RAI14: variants seen among roughly 807,000 people sequenced by gnomAD.
The protein encoded by RAI14 is ankycorbin.
A neutral mutation model predicts 115.4 loss-of-function variants in RAI14; 45 were observed. The ratio of observed to expected loss-of-function variants is 0.39; its 90% CI spans 0.31 to 0.50. The LOEUF (loss-of-function observed/expected upper bound fraction) is 0.50, where lower values mean the gene tolerates loss of function less well. Ranked by LOEUF, RAI14 falls within the 20% of genes least tolerant of loss-of-function variation. RAI14 has a pLI of 0.85. For synonymous variants in RAI14, 371 were observed against 415.4 expected (o/e 0.89, Z 1.30); for missense variants, 939 against 1,131.2 (o/e 0.83, Z 2.44).
intron 3 of RAI14, among the ~76,000 whole-genome samples, chr5:34,773,118 T>G (rs1002194951): frequency 2.6e-5 from 4 of 152,164 alleles, no homozygotes; most frequent in Non-Finnish European, 2.9e-5. Flanking sequence ...AAGTTTGTTT[T>G]CAAACAAACT....
rs1359259269 is a variant in RAI14, at chr5:34,827,692, T to C, written c.2799+1213T>C. On this transcript the variant is annotated intron_variant, in intron 16 of 17. Coordinates refer to ENST00000265109, the MANE Select transcript of RAI14 (RefSeq NM_015577.3). The surrounding 1 kb of genome is among the most constrained non-coding windows in gnomAD (Gnocchi z 4.2). ...TGTGTTCTGCAGGTCATTCTTCTCC[T>C]GATAAAATGGTATTACAGACTTGTA... Among the ~76,000 whole-genome samples, 3 of 152,364 alleles carry C rather than the reference T, an allele frequency of 2.0e-5. No individual in the cohort carries two copies. In the East Asian group the frequency reaches 5.8e-4, roughly 29 times the overall value.
At chr5:34,743,850 TATAACTTGAAG>T in intron 2 of RAI14, among the ~76,000 whole-genome samples, 1 of 152,246 alleles carries the variant, frequency 6.6e-6, no homozygotes, top group East Asian at 1.9e-4. Context: ...ACGTAGAATT[TATAACTTGAAG>T]GACTGTTTCC....
rs2149920767 is a variant in RAI14, at chr5:34,698,350, T to C, written c.36+11395T>C. ...TCTCAATAAATGGCAGCTGCTGATATTGGTTACCCCTGGTGCCTAGCACAG... is the reference window on the plus strand; with the variant it reads ...TCTCAATAAATGGCAGCTGCTGATACTGGTTACCCCTGGTGCCTAGCACAG... On this transcript the variant is annotated intron_variant, in intron 2 of 17. Coordinates refer to ENST00000265109, the MANE Select transcript of RAI14 (RefSeq NM_015577.3). 1.3e-5 allele frequency among the ~76,000 whole-genome samples: 2 copies of C among 151,768 alleles called. 1 individual carries two copies. Among genetic ancestry groups the C allele is most frequent in the South Asian group, 4.2e-4 (2 of 4,774 alleles).
chr5:34,740,932 G>A (rs1338193576), intron 2 of RAI14, among the ~76,000 whole-genome samples: 1 of 152,194 alleles, frequency 6.6e-6, no homozygotes, highest in Non-Finnish European at 1.5e-5. Flanking sequence ...TCTCTTGCCT[G>A]AAATATACTA....
chr5:34,713,316 C>T (rs1298262395), intron 2 of RAI14, among the ~76,000 whole-genome samples: 3 of 151,912 alleles, frequency 2.0e-5, no homozygotes, highest in East Asian at 1.9e-4. Flanking sequence ...AGAGGGATTA[C>T]GGAGGGGAAG....
chr5:34,735,877 T>G (rs1344888022), intron 2 of RAI14, among the ~76,000 whole-genome samples: 1 of 152,220 alleles, frequency 6.6e-6, no homozygotes, highest in Admixed American at 6.5e-5. Flanking sequence ...CTCTGCGAGT[T>G]AGGAAACTTG....
intron 1 of RAI14, chr5:34,658,877 C>T (rs1301029090): frequency 6.6e-6 from 1 of 152,078 alleles, no homozygotes; most frequent in Non-Finnish European, 1.5e-5. Flanking sequence ...TTGTCTTCTA[C>T]TTCCTAGGTT....
At chr5:34,753,377 G>A (rs909415568) in intron 2 of RAI14, among the ~76,000 whole-genome samples, 6 of 152,120 alleles carry the variant, frequency 3.9e-5, no homozygotes, top group African/African-American at 1.4e-4. Context: ...TTGGGGGTGG[G>A]GGTAGGGGAG....
chr5:34,797,077 A>G (rs1753629094), intron 4 of RAI14, among the ~76,000 whole-genome samples: 1 of 152,134 alleles, frequency 6.6e-6, no homozygotes, highest in Admixed American at 6.5e-5. Flanking sequence ...CCAGCCTGGG[A>G]TTCTGCCCCT....
intron 2 of RAI14, among the ~76,000 whole-genome samples, chr5:34,692,135 T>C (rs190676852): frequency 1.2e-3 from 183 of 152,162 alleles, no homozygotes; most frequent in African/African-American, 4.2e-3. Flanking sequence ...TGGTGGTGCA[T>C]GCTCGTAATC....
chr5:34,735,248 T>G (rs1483530241), intron 2 of RAI14, among the ~76,000 whole-genome samples: 2 of 152,226 alleles, frequency 1.3e-5, no homozygotes, highest in African/African-American at 4.8e-5. Context: ...GATAGTGGTT[T>G]CATTTTTATT....
At chr5:34,773,170 C>T (rs946262518) in intron 3 of RAI14, among the ~76,000 whole-genome samples, 4 of 152,104 alleles carry the variant, frequency 2.6e-5, no homozygotes, top group African/African-American at 9.7e-5. Context: ...TGGTGTGACC[C>T]TCTTCAATAA....
intron 2 of RAI14, among the ~76,000 whole-genome samples, chr5:34,734,730 C>T (rs1169105410): frequency 2.0e-5 from 3 of 151,674 alleles, no homozygotes; most frequent in Non-Finnish European, 4.4e-5. Flanking sequence ...GGCGCAATCT[C>T]GGCTCACTGC....
chr5:34,713,423 C>T (rs1741632718), intron 2 of RAI14, among the ~76,000 whole-genome samples: 1 of 152,100 alleles, frequency 6.6e-6, no homozygotes, highest in Admixed American at 6.5e-5. Flanking sequence ...CCTCCTACTT[C>T]AGCCTCCTGA....
At chr5:34,766,543 G>A (rs1158654773) in intron 3 of RAI14, among the ~76,000 whole-genome samples, 1 of 152,168 alleles carries the variant, frequency 6.6e-6, no homozygotes, top group Non-Finnish European at 1.5e-5. Context: ...TTTGGAATGG[G>A]TGTAATTGCC....
intron 5 of RAI14, among the ~76,000 whole-genome samples, chr5:34,806,297 C>T (rs529671921): frequency 2.6e-5 from 4 of 152,246 alleles, no homozygotes; most frequent in Admixed American, 2.6e-4. Flanking sequence ...GATGTAGGGC[C>T]TTTTGTATGT....
At chr5:34,702,895 G>A (rs529261333) in intron 2 of RAI14, among the ~76,000 whole-genome samples, 1 of 152,162 alleles carries the variant, frequency 6.6e-6, no homozygotes, top group South Asian at 2.1e-4. Flanking sequence ...CAGTAGAGAC[G>A]GGGTTTCTCC....
In RAI14 at chr5:34,823,746, A is replaced by G. The variant is rs1178963932; in HGVS notation, c.1904A>G (p.Asn635Ser). The G allele has an allele frequency of 1.2e-6, 2 of 1,614,096 alleles. No individual in the cohort carries two copies. The highest frequency in any genetic ancestry group is 2.2e-5 in the East Asian group (1 of 44,902). The change falls in exon 15 of 18, where the codon AAT becomes AGT. Residue 635 changes from asparagine (N) to serine (S), a missense_variant. Coordinates refer to ENST00000265109, the MANE Select transcript of RAI14 (RefSeq NM_015577.3). This position sits in a 1 kb window ranked among gnomAD's most constrained non-coding sequence, Gnocchi z 4.5. ...GCTGAGGACATGAAAGAAGCCATGA[A>G]TAGGATGATAGATGAACTCAATAAA... ...DEAEDMKEAM[N>S]RMIDELNKQV...
intron 3 of RAI14, among the ~76,000 whole-genome samples, chr5:34,768,553 A>G (rs115439686): frequency 0.034 from 5,148 of 152,306 alleles, 139 homozygotes; most frequent in Non-Finnish European, 0.047. Context: ...CCTGTTCTAC[A>G]TACTGGAGTC....
Sources: gnomAD v4.1 joint callset for allele counts (sites outside exome capture counted in the v4.1 genomes callset) on GRCh38, gnomAD v4.1.1 for gene constraint, Gnocchi (gnomAD v3.1) non-coding constraint, MANE v1.5 for transcripts, NCBI Gene and HGNC (gene_info 2026-07-23, HGNC 2026-07-21) for gene names.